ANK2: variants seen among roughly 807,000 people sequenced by gnomAD.
The protein encoded by ANK2 is ankyrin-2.
ANK2 carries 83 observed loss-of-function variants against 360.5 expected under a neutral mutation model. The ratio of observed to expected loss-of-function variants is 0.23; its 90% CI spans 0.19 to 0.28. ANK2 has a LOEUF of 0.28. Among genes scored for constraint, ANK2 ranks in the 10% least tolerant of loss-of-function variants. The pLI is 1.00. For synonymous variants in ANK2, 1,740 were observed against 1,759.5 expected, an observed-to-expected ratio of 0.99 and a Z score of 0.28; for missense variants, 4,201 against 4,795.7, an observed-to-expected ratio of 0.88 and a Z score of 3.66.
chr4:113,074,072 T>C (rs2078904378), intron 1 of ANK2, among the ~76,000 whole-genome samples: 1 of 152,208 alleles, frequency 6.6e-6, no homozygotes. Flanking sequence ...TGTGAGCAAT[T>C]TCAAAATTTT....
Position 113,355,767 on chromosome 4 carries a change from G to C in ANK2, c.7149G>C (p.Pro2383=). The C allele has an allele frequency of 1.9e-6, 3 of 1,614,094 alleles. No homozygotes were observed. Among genetic ancestry groups the C allele is most frequent in the Non-Finnish European group, 2.5e-6 (3 of 1,179,980 alleles). Residue 2383 remains proline (P), a synonymous_variant, in exon 38 of 46, where the codon CCG becomes CCC. Coordinates refer to ENST00000357077, the MANE Select transcript of ANK2 (RefSeq NM_001148.6). ...TATSDETKAL[P]LPEASVKTDT... ...CCTCAGACGAGACAAAGGCCTTGCC[G>C]CTGCCTGAGGCTTCTGTAAAGACAG...
chr4:113,156,301 CAGAA>C (rs1321238307), intron 1 of ANK2, among the ~76,000 whole-genome samples: 1 of 150,864 alleles, frequency 6.6e-6, no homozygotes, highest in Non-Finnish European at 1.5e-5. Flanking sequence ...AAAAGTAAAA[CAGAA>C]TATTATTATT....
At chr4:112,782,768 C>G in the ANK2 span, among the ~76,000 whole-genome samples, 1 of 151,894 alleles carries the variant, frequency 6.6e-6, no homozygotes, top group East Asian at 2.0e-4. Flanking sequence ...ACTCAGGAGG[C>G]TGAGGCAGGA....
chr4:113,229,470 C>T (rs1379059293), intron 4 of ANK2, among the ~76,000 whole-genome samples: 1 of 152,188 alleles, frequency 6.6e-6, no homozygotes, highest in African/African-American at 2.4e-5. Flanking sequence ...AAATTTTTAA[C>T]TTCACATCTA....
At chr4:113,287,548 A>T in intron 18 of ANK2, 57 bp from the exon 19 acceptor site, 1 of 1,236,618 alleles carries the variant, frequency 8.1e-7, no homozygotes, top group Non-Finnish European at 1.2e-6. Context: ...AATATTATAG[A>T]TGATGCAATG....
intron 26 of ANK2, among the ~76,000 whole-genome samples, chr4:113,319,321 T>C (rs1292347497): frequency 6.6e-6 from 1 of 151,872 alleles, no homozygotes; most frequent in East Asian, 1.9e-4. Context: ...TTAAGGAGTT[T>C]TAAATTGTAA....
intron 30 of ANK2, 191 bp downstream of exon 30, chr4:113,336,248 C>G: frequency 1.2e-5 from 7 of 588,662 alleles, no homozygotes; most frequent in Non-Finnish European, 2.0e-5. Context: ...TATATTTGGA[C>G]AATTAACCAA....
chr4:113,004,774 C>G (rs1460502364), intron 2 of ANK2, among the ~76,000 whole-genome samples: 1 of 152,196 alleles, frequency 6.6e-6, no homozygotes, highest in African/African-American at 2.4e-5. Context: ...TTGTCTACAT[C>G]AGCATCACCA....
At chr4:113,174,357 TA>T in intron 1 of ANK2, 58 bp from the exon 2 acceptor site, 1 of 1,378,194 alleles carries the variant, frequency 7.3e-7, no homozygotes, top group Non-Finnish European at 1.0e-6. Flanking sequence ...TGTCTTTCTG[TA>T]TTGGATACAT....
At chr4:112,802,467 A>G in the ANK2 span, among the ~76,000 whole-genome samples, 2 of 152,168 alleles carry the variant, frequency 1.3e-5, no homozygotes, top group Non-Finnish European at 2.9e-5. Context: ...TCATTTCAAT[A>G]TATGTATTTA....
intron 2 of ANK2, among the ~76,000 whole-genome samples, chr4:112,914,196 G>A (rs1016665405): frequency 3.9e-5 from 6 of 152,090 alleles, no homozygotes; most frequent in African/African-American, 1.2e-4. Context: ...TGTAATTTAC[G>A]TATCTAAATA....
chr4:113,159,302 A>G (rs977351036), intron 1 of ANK2, among the ~76,000 whole-genome samples: 1 of 151,980 alleles, frequency 6.6e-6, no homozygotes, highest in Non-Finnish European at 1.5e-5. Flanking sequence ...TAGACTCCCT[A>G]TGACTGAAGA....
chr4:113,049,999 C>T (rs1017677973), intron 1 of ANK2, among the ~76,000 whole-genome samples, 187 bp downstream of exon 1: 2 of 152,152 alleles, frequency 1.3e-5, no homozygotes, highest in Non-Finnish European at 2.9e-5. Flanking sequence ...GTAAAGGAGC[C>T]ATGGCTCATA....
At chr4:113,137,729 A>G (rs1248584002) in intron 1 of ANK2, among the ~76,000 whole-genome samples, 1 of 152,042 alleles carries the variant, frequency 6.6e-6, no homozygotes, top group East Asian at 1.9e-4. Flanking sequence ...TAAACTTCTG[A>G]CTGTAAAGAT....
At chr4:112,730,507 G>A in the ANK2 span, among the ~76,000 whole-genome samples, 1 of 150,316 alleles carries the variant, frequency 6.7e-6, no homozygotes, top group Non-Finnish European at 1.5e-5. Flanking sequence ...TATGGTGGTG[G>A]GCACCAGTAA....
chr4:113,037,446 T>G (rs554543629), intron 2 of ANK2, among the ~76,000 whole-genome samples: 5 of 152,108 alleles, frequency 3.3e-5, no homozygotes, highest in African/African-American at 1.2e-4. Context: ...TGTTATACTC[T>G]AAATGTTTTT....
chr4:113,136,761 C>CTT (rs112865867), intron 1 of ANK2, among the ~76,000 whole-genome samples: 1,474 of 139,712 alleles, frequency 0.011, 35 homozygotes, highest in African/African-American at 0.033. Context: ...AGGATTTTGG[C>CTT]TTTTTTTTTT....
intron 1 of ANK2, among the ~76,000 whole-genome samples, chr4:113,136,883 G>C (rs1263202845): frequency 6.6e-6 from 1 of 151,424 alleles, no homozygotes; most frequent in Non-Finnish European, 1.5e-5. Flanking sequence ...TCAGCCTCTT[G>C]AGTAGCTGGA....
chr4:112,829,583 T>A (rs2059261497), intron 1 of ANK2, among the ~76,000 whole-genome samples: 1 of 146,128 alleles, frequency 6.8e-6, no homozygotes, highest in Non-Finnish European at 1.5e-5. Flanking sequence ...ATGAAAAAAA[T>A]TCTCAAAACT....
Sources: gnomAD v4.1 joint callset for allele counts (sites outside exome capture counted in the v4.1 genomes callset) on GRCh38, gnomAD v4.1.1 for gene constraint, MANE v1.5 for transcripts, NCBI Gene and HGNC (gene_info 2026-07-23, HGNC 2026-07-21) for gene names.